Variants in ZDHHC11B observed in about 807,000 individuals in gnomAD.
ZDHHC11B encodes probable palmitoyltransferase ZDHHC11B.
ZDHHC11B carries 17 observed loss-of-function variants against 42.3 expected under a neutral mutation model. The observed-to-expected ratio is 0.40, with a 90% CI of 0.27 to 0.60. The LOEUF (loss-of-function observed/expected upper bound fraction) is 0.60, where lower values mean the gene tolerates loss of function less well. ZDHHC11B is among the 20% of genes least tolerant of loss of function. The probability of loss-of-function intolerance (pLI) is 0.41; values close to 1 mark genes in which losing one functional copy is unlikely to be tolerated. For synonymous variants in ZDHHC11B, 123 were observed against 193.5 expected, an observed-to-expected ratio of 0.64 and a Z score of 3.02; for missense variants, 262 against 463.2, an observed-to-expected ratio of 0.57 and a Z score of 3.99.
In ZDHHC11B at chr5:716,802, C is replaced by T. The variant is rs575477568; in HGVS notation, c.*6G>A. 7.3e-5 allele frequency: 117 copies of T among 1,612,646 alleles called. 3 individuals are homozygous for T. The highest frequency in any genetic ancestry group is 5.0e-4 in the Middle Eastern group (3 of 6,054). On this transcript the variant is annotated splice_region_variant and 3_prime_UTR_variant, in exon 13 of 14. Coordinates refer to ENST00000508859, the MANE Select transcript of ZDHHC11B (RefSeq NM_001351303.2). ...GACCTGCACTGCCACGTATCTTACCCGAATCTCAGTCTTCACTTTCAGCAC... is the reference window on the plus strand; with the variant it reads ...GACCTGCACTGCCACGTATCTTACCTGAATCTCAGTCTTCACTTTCAGCAC...
Position 744,215 on chromosome 5 carries a change from G to A in ZDHHC11B, c.900+968C>T, listed in dbSNP as rs1319919477. The stretch of plus-strand genomic sequence containing the variant: ...TGCACAGTCCTGCCCCATGCTGCTC[G>A]ATTTGGTTTCCCAAGGTCTTATCAG... On this transcript the variant is annotated intron_variant, in intron 9 of 13. Coordinates refer to ENST00000508859, the MANE Select transcript of ZDHHC11B (RefSeq NM_001351303.2). Among the ~76,000 whole-genome samples, 3 of 149,834 alleles carry A rather than the reference G, an allele frequency of 2.0e-5. 1 individual carries two copies. Among genetic ancestry groups the A allele is most frequent in the Non-Finnish European group, 4.4e-5 (3 of 67,632 alleles).
intron 12 of ZDHHC11B, among the ~76,000 whole-genome samples, chr5:719,241 A>G (rs1236106623): frequency 2.0e-5 from 3 of 151,738 alleles, no homozygotes; most frequent in Non-Finnish European, 2.9e-5. Flanking sequence ...TACACAGAAT[A>G]TCCAGTTTTT....
chr5:731,256 AT>A (rs1458263537), intron 11 of ZDHHC11B, among the ~76,000 whole-genome samples: 2 of 149,930 alleles, frequency 1.3e-5, no homozygotes, highest in African/African-American at 4.9e-5. Flanking sequence ...TTTTATTTAT[AT>A]TTTTTAGAGG....
chr5:761,406 G>A (rs1437756329), intron 4 of ZDHHC11B, among the ~76,000 whole-genome samples: 2 of 151,862 alleles, frequency 1.3e-5, no homozygotes, highest in Admixed American at 6.6e-5. Context: ...CTAGGACCCA[G>A]GCTTTGGGGG....
In ZDHHC11B at chr5:748,516, G is replaced by A. The variant is rs747710966; in HGVS notation, c.672C>T (p.Phe224=). 2 of 1,365,266 alleles carry A rather than the reference G, an allele frequency of 1.5e-6. No individual in the cohort carries two copies. Among genetic ancestry groups the A allele is most frequent in the Non-Finnish European group, 2.0e-6 (2 of 1,025,084 alleles). 84.6% of individuals were successfully genotyped at this position (1,365,266 alleles called of 1,614,324 possible). The part of the protein sequence containing the change: ...MNTWLLFLPL[F]PVQVQTLIVV... ...CTATCAGAGTCTGCACCTGCACCGGGAACAGGGGGAGGAACAGCAGCCACG... is the reference window on the plus strand; with the variant it reads ...CTATCAGAGTCTGCACCTGCACCGGAAACAGGGGGAGGAACAGCAGCCACG... Residue 224 remains phenylalanine (F), a synonymous_variant, in exon 8 of 14, where the codon TTC becomes TTT. Transcript: ENST00000508859.
intron 1 of ZDHHC11B, among the ~76,000 whole-genome samples, chr5:774,136 A>C (rs1383048680): frequency 6.6e-6 from 1 of 151,944 alleles, no homozygotes; most frequent in Admixed American, 6.6e-5. Flanking sequence ...CCCCAACCCC[A>C]CAGGCTGTTC....
At position 743,837 on chromosome 5, in the gene ZDHHC11B, A is replaced by G. The variant is rs1744437223; in HGVS notation, c.900+1346T>C. Among the ~76,000 whole-genome samples, 2 of 149,772 alleles carry G rather than the reference A, an allele frequency of 1.3e-5. 1 individual carries two copies. Among genetic ancestry groups the G allele is most frequent in the South Asian group, 4.5e-4 (2 of 4,494 alleles). On this transcript the variant is annotated intron_variant, in intron 9 of 13. Transcript: ENST00000508859. ...GCAAATAAACGCAGTTTTACTTTGT[A>G]TTCTGTGTGCCTTAATTTTCCCTGC...
chr5:784,230 C>A (rs1737086492), intron 1 of ZDHHC11B, among the ~76,000 whole-genome samples: 1 of 151,650 alleles, frequency 6.6e-6, no homozygotes, highest in Non-Finnish European at 1.5e-5. Context: ...CATTCCAGCC[C>A]TCCACGCCCT....
At chr5:777,370 C>T (rs1736599437) in intron 1 of ZDHHC11B, among the ~76,000 whole-genome samples, 1 of 151,820 alleles carries the variant, frequency 6.6e-6, no homozygotes, top group Admixed American at 6.6e-5. Flanking sequence ...GCTGTTCGCT[C>T]CCTCCGGTGG....
At chr5:771,872 C>G (rs1264255353) in intron 1 of ZDHHC11B, among the ~76,000 whole-genome samples, 2 of 146,364 alleles carry the variant, frequency 1.4e-5, no homozygotes, top group African/African-American at 4.9e-5. Context: ...AGAGAGTCAT[C>G]TGAGAACCTG....
intron 1 of ZDHHC11B, among the ~76,000 whole-genome samples, chr5:779,608 AT>A (rs1440351367): frequency 6.9e-6 from 1 of 145,126 alleles, no homozygotes. Context: ...GCTGACGGGA[AT>A]TTGCTGATTT....
At chr5:712,886 G>T (rs947739892) in intron 13 of ZDHHC11B, among the ~76,000 whole-genome samples, 9 of 150,154 alleles carry the variant, frequency 6.0e-5, no homozygotes, top group South Asian at 4.2e-4. Flanking sequence ...TCCAGCCTGG[G>T]TGACACAGCG....
chr5:783,388 C>T (rs1319826010), intron 1 of ZDHHC11B, among the ~76,000 whole-genome samples: 33 of 152,326 alleles, frequency 2.2e-4, no homozygotes, highest in African/African-American at 7.5e-4. Context: ...CCAGCCCCAT[C>T]TCCTAGTCCC....
intron 1 of ZDHHC11B, among the ~76,000 whole-genome samples, chr5:777,046 G>C (rs1028227892): frequency 6.6e-6 from 1 of 151,866 alleles, no homozygotes; most frequent in Non-Finnish European, 1.5e-5. Flanking sequence ...GGAATTGGTG[G>C]GTTATTGGTC....
At chr5:748,976 G>A (rs148938315) in intron 7 of ZDHHC11B, among the ~76,000 whole-genome samples, 6,001 of 35,494 alleles carry the variant, frequency 0.17, 346 homozygotes, top group African/African-American at 0.45. Flanking sequence ...CCTAAGTGCT[G>A]GGGTCACAGC....
At chr5:781,230 G>A (rs1175945363) in intron 1 of ZDHHC11B, among the ~76,000 whole-genome samples, 1 of 78,348 alleles carries the variant, frequency 1.3e-5, no homozygotes, top group East Asian at 4.0e-4. Flanking sequence ...AAGGCAGAGG[G>A]TGCTGGGAGC....
chr5:746,200 G>A lies in ZDHHC11B; in HGVS notation c.785-902C>T, dbSNP rs1306377886. 4.1e-5 allele frequency among the ~76,000 whole-genome samples: 6 copies of A among 146,974 alleles called. No homozygotes were observed. The South Asian group carries it at 7.3e-4, about 18-fold the overall frequency. On this transcript the variant is annotated intron_variant, in intron 8 of 13. Transcript: ENST00000508859. ...GCTTCTTTCCCTAAACACCAACACCGTGAGAGCCGATGTCTTGTGACTATT... is the reference window on the plus strand; with the variant it reads ...GCTTCTTTCCCTAAACACCAACACCATGAGAGCCGATGTCTTGTGACTATT...
chr5:715,949 G>A (rs1479376280), intron 13 of ZDHHC11B, among the ~76,000 whole-genome samples: 2 of 150,996 alleles, frequency 1.3e-5, no homozygotes, highest in South Asian at 2.1e-4. Flanking sequence ...GGCTTTTCTT[G>A]TATGGATCAT....
intron 4 of ZDHHC11B, among the ~76,000 whole-genome samples, chr5:764,167 G>C (rs1734976637): frequency 6.6e-6 from 1 of 151,960 alleles, no homozygotes; most frequent in Admixed American, 6.6e-5. Flanking sequence ...CCAGAGACTT[G>C]CCCGGGATGG....
Sources: allele counts gnomAD v4.1 joint callset (sites outside exome capture counted in the v4.1 genomes callset), GRCh38; gene constraint gnomAD v4.1.1; transcripts MANE v1.5; gene names NCBI Gene and HGNC (gene_info 2026-07-23, HGNC 2026-07-21).